ATP8A2: variants seen among roughly 807,000 people sequenced by gnomAD.
ATP8A2 encodes phospholipid-transporting ATPase IB.
A neutral mutation model predicts 165.6 loss-of-function variants in ATP8A2; 100 were observed. The ratio of observed to expected loss-of-function variants is 0.60; its 90% CI spans 0.51 to 0.71. The LOEUF (loss-of-function observed/expected upper bound fraction) is 0.71, where lower values mean the gene tolerates loss of function less well. ATP8A2 is among the 30% of genes least tolerant of loss of function. The probability of loss-of-function intolerance (pLI) is 0.00; values close to 1 mark genes in which losing one functional copy is unlikely to be tolerated. For missense variants in ATP8A2, 1,227 were observed against 1,479.5 expected, an observed-to-expected ratio of 0.83 and a Z score of 2.80; for synonymous variants, 543 against 548.8, an observed-to-expected ratio of 0.99 and a Z score of 0.15.
chr13:25,592,058 A>G (rs1049289648), intron 24 of ATP8A2, among the ~76,000 whole-genome samples: 2 of 151,306 alleles, frequency 1.3e-5, no homozygotes, highest in African/African-American at 4.9e-5. Context: ...AGCCACTCTA[A>G]TGGGTTTGAG....
chr13:25,720,651 C>T (rs201495861), intron 25 of ATP8A2, among the ~76,000 whole-genome samples: 1 of 152,200 alleles, frequency 6.6e-6, no homozygotes, highest in East Asian at 1.9e-4. Flanking sequence ...CTGATGATGG[C>T]TCATCGTGCC....
chr13:26,003,075 C>G (rs550317666), intron 35 of ATP8A2, among the ~76,000 whole-genome samples: 1 of 152,048 alleles, frequency 6.6e-6, no homozygotes, highest in South Asian at 2.1e-4. Flanking sequence ...TATGATAGTT[C>G]TATTTTTAAT....
chr13:25,567,667 G>A (rs1211840360), intron 16 of ATP8A2, among the ~76,000 whole-genome samples: 1 of 152,172 alleles, frequency 6.6e-6, no homozygotes, highest in Non-Finnish European at 1.5e-5. Context: ...TTTAGTAAAA[G>A]CCTCCTAGCC....
At chr13:25,740,061 G>C (rs1371598480) in intron 25 of ATP8A2, among the ~76,000 whole-genome samples, 1 of 152,192 alleles carries the variant, frequency 6.6e-6, no homozygotes, top group African/African-American at 2.4e-5. Flanking sequence ...TGTAATCCCA[G>C]CACTTTGGGA....
At position 25,914,339 on chromosome 13, in the gene ATP8A2, C is replaced by G. The variant is rs111690396; in HGVS notation, c.3184-47236C>G. ...ATAAATATCCAGCCCTTACCTCTTT[C>G]TTAAGTGCCAGACTTGGCTTTTCTA... On this transcript the variant is annotated intron_variant, in intron 33 of 36. Transcript: ENST00000381655. Among the ~76,000 whole-genome samples, 1,446 of 152,278 alleles carry G rather than the reference C, an allele frequency of 9.5e-3. 20 individuals are homozygous for G. The highest frequency in any genetic ancestry group is 0.033 in the African/African-American group (1,379 of 41,542).
intron 35 of ATP8A2, among the ~76,000 whole-genome samples, chr13:25,975,679 C>T (rs1207817216): frequency 6.6e-6 from 1 of 152,140 alleles, no homozygotes; most frequent in African/African-American, 2.4e-5. Context: ...AATCATTGCC[C>T]AGGTCCAATC....
chr13:25,700,554 CTGAG>C (rs1392454213), intron 25 of ATP8A2, among the ~76,000 whole-genome samples: 2 of 152,234 alleles, frequency 1.3e-5, no homozygotes, highest in East Asian at 3.9e-4. Context: ...CTTTTTATGG[CTGAG>C]TAATATTCCA....
chr13:25,850,301 A>G (rs1317572578), intron 30 of ATP8A2, among the ~76,000 whole-genome samples: 1 of 152,116 alleles, frequency 6.6e-6, no homozygotes, highest in Non-Finnish European at 1.5e-5. Context: ...CTCCATATGC[A>G]CTTTGGATAA....
At chr13:25,870,653 A>G (rs1952649350) in intron 33 of ATP8A2, among the ~76,000 whole-genome samples, 1 of 152,222 alleles carries the variant, frequency 6.6e-6, no homozygotes, top group South Asian at 2.1e-4. Context: ...GGCAGGGAGT[A>G]GAGTGGCTGG....
At chr13:25,451,614 T>A (rs2035226326) in intron 1 of ATP8A2, among the ~76,000 whole-genome samples, 1 of 152,142 alleles carries the variant, frequency 6.6e-6, no homozygotes, top group Admixed American at 6.5e-5. Context: ...TGGTAATTGA[T>A]GTGCAATTTT....
At chr13:25,613,544 A>G (rs1028707237) in intron 24 of ATP8A2, among the ~76,000 whole-genome samples, 1 of 152,208 alleles carries the variant, frequency 6.6e-6, no homozygotes, top group African/African-American at 2.4e-5. Context: ...ACTGCACTCC[A>G]GCCTGGAGAC....
chr13:25,554,631 T>A (rs1271134423), intron 12 of ATP8A2, among the ~76,000 whole-genome samples: 5 of 151,922 alleles, frequency 3.3e-5, no homozygotes, highest in Admixed American at 3.3e-4. Flanking sequence ...TGATCTTAGC[T>A]CACTGCAACT....
At chr13:25,934,958 C>T (rs1040090298) in intron 33 of ATP8A2, among the ~76,000 whole-genome samples, 5 of 152,162 alleles carry the variant, frequency 3.3e-5, no homozygotes, top group Admixed American at 6.5e-5. Flanking sequence ...ACTCAGATAC[C>T]ATTCTGGAGA....
intron 25 of ATP8A2, among the ~76,000 whole-genome samples, chr13:25,707,460 G>T (rs140598373): frequency 6.6e-6 from 1 of 152,100 alleles, no homozygotes; most frequent in African/African-American, 2.4e-5. Context: ...AAAAAGTAGC[G>T]TATCAACTTT....
chr13:25,788,507 C>T (rs1033120598), intron 27 of ATP8A2, among the ~76,000 whole-genome samples: 1 of 152,172 alleles, frequency 6.6e-6, no homozygotes, highest in Non-Finnish European at 1.5e-5. Context: ...GTTTGCATGG[C>T]TTGAGCTAGA....
chr13:25,512,909 G>A (rs2037300582), intron 2 of ATP8A2, among the ~76,000 whole-genome samples: 1 of 144,672 alleles, frequency 6.9e-6, no homozygotes, highest in Non-Finnish European at 1.5e-5. Context: ...CCAGGCGGGG[G>A]GCTGACCCCC....
At chr13:25,594,138 T>G (rs1034075487) in intron 24 of ATP8A2, among the ~76,000 whole-genome samples, 2 of 152,236 alleles carry the variant, frequency 1.3e-5, no homozygotes, top group African/African-American at 2.4e-5. Flanking sequence ...CTAAGAATCT[T>G]GAGTAAGAGA....
rs143266134 is a variant in ATP8A2, at chr13:25,441,294, C to T, written c.77-27683C>T. On this transcript the variant is annotated intron_variant, in intron 1 of 36. Coordinates refer to ENST00000381655, the MANE Select transcript of ATP8A2 (RefSeq NM_016529.6). ...TTCTTGTACTTGGTGAAAGTCATAA[C>T]TGATGAAAATTCTAGTTAGGAGAAA... 1.3e-3 allele frequency among the ~76,000 whole-genome samples: 197 copies of T among 151,328 alleles called. 3 individuals are homozygous for T. Among genetic ancestry groups the T allele is most frequent in the African/African-American group, 4.6e-3 (185 of 40,622 alleles).
intron 30 of ATP8A2, among the ~76,000 whole-genome samples, chr13:25,852,511 A>C (rs1952032972): frequency 1.3e-5 from 2 of 152,136 alleles, no homozygotes; most frequent in Admixed American, 1.3e-4. Flanking sequence ...ATATGAGTCT[A>C]ATTTTCTGTC....
Sources: gnomAD v4.1 joint callset for allele counts (sites outside exome capture counted in the v4.1 genomes callset) on GRCh38, gnomAD v4.1.1 for gene constraint, MANE v1.5 for transcripts, NCBI Gene and HGNC (gene_info 2026-07-23, HGNC 2026-07-21) for gene names.